The following MYO1D variants were observed in gnomAD, a reference collection of about 807,000 sequenced individuals.
The protein encoded by MYO1D is myosin ID.
Under a neutral mutation model 122.0 loss-of-function variants are expected in MYO1D, and 83 were observed. The observed-to-expected ratio is 0.68, with a 90% CI of 0.57 to 0.82. MYO1D has a LOEUF of 0.82. Among genes scored for constraint, MYO1D ranks in the 40% least tolerant of loss-of-function variants. The pLI, the probability that MYO1D is intolerant of heterozygous loss-of-function variation, is 0.00. For missense variants in MYO1D, 1,157 were observed against 1,269.5 expected (o/e 0.91, Z 1.35); for synonymous variants, 464 against 446.9 (o/e 1.04, Z -0.48).
At chr17:32,704,598 T>G (rs2150982543) in intron 16 of MYO1D, among the ~76,000 whole-genome samples, 1 of 152,312 alleles carries the variant, frequency 6.6e-6, no homozygotes, top group East Asian at 1.9e-4. Context: ...TTAGAAATAG[T>G]CAATGGTAGT....
At chr17:32,801,521 T>C (rs1252360137) in intron 1 of MYO1D, among the ~76,000 whole-genome samples, 1 of 152,116 alleles carries the variant, frequency 6.6e-6, no homozygotes, top group Non-Finnish European at 1.5e-5. Context: ...ACAGGAAAAC[T>C]GAGAAAATAA....
At chr17:32,665,836 T>G (rs1439884519) in intron 16 of MYO1D, among the ~76,000 whole-genome samples, 1 of 152,188 alleles carries the variant, frequency 6.6e-6, no homozygotes, top group Admixed American at 6.5e-5. Context: ...GGAGTAGCCA[T>G]CTGTGGGGAA....
At chr17:32,715,656 A>G (rs1403660059) in intron 15 of MYO1D, among the ~76,000 whole-genome samples, 1 of 152,082 alleles carries the variant, frequency 6.6e-6, no homozygotes, top group Admixed American at 6.5e-5. Flanking sequence ...AAAAACAAAA[A>G]TATGTATATT....
intron 1 of MYO1D, among the ~76,000 whole-genome samples, chr17:32,838,549 A>C (rs2090849112): frequency 6.6e-6 from 1 of 152,154 alleles, no homozygotes; most frequent in Non-Finnish European, 1.5e-5. Flanking sequence ...ACAAGTAAAC[A>C]GACAGACGGG....
intron 12 of MYO1D, among the ~76,000 whole-genome samples, chr17:32,746,104 G>A (rs2089835325): frequency 6.6e-6 from 1 of 152,198 alleles, no homozygotes; most frequent in South Asian, 2.1e-4. Context: ...GCAATTCTCA[G>A]ATCTCTAACC....
At chr17:32,664,327 C>T (rs1203795221) in intron 16 of MYO1D, among the ~76,000 whole-genome samples, 4 of 152,170 alleles carry the variant, frequency 2.6e-5, no homozygotes, top group African/African-American at 9.7e-5. Context: ...CCTGTTTTCT[C>T]TCTTTGTTTA....
chr17:32,750,792 T>C (rs1397582993), intron 11 of MYO1D, among the ~76,000 whole-genome samples: 1 of 152,184 alleles, frequency 6.6e-6, no homozygotes, highest in Non-Finnish European at 1.5e-5. Context: ...GCCTCTACCA[T>C]CTACTCACTC....
rs1489399134 is a variant in MYO1D, at chr17:32,653,868, A to T, written c.2570T>A (p.Val857Asp). 3 of 1,613,902 alleles carry T rather than the reference A, an allele frequency of 1.9e-6. No homozygotes were observed. The highest frequency in any genetic ancestry group is 2.5e-6 in the Non-Finnish European group (3 of 1,179,868). Residue 857 changes from valine (V) to aspartate (D), a missense_variant, in exon 19 of 22, where the codon GTC becomes GAC. Transcript: ENST00000318217. Reference sequence around the variant, plus strand: ...CTTACGGACGTGACAGGAAAAGAGGACATTCATGTATTTGTCCTTCCGTTT... The same window carrying T: ...CTTACGGACGTGACAGGAAAAGAGGTCATTCATGTATTTGTCCTTCCGTTT... ...ELKRKDKYMN[V>D]LFSCHVRKVN... is the part of the protein sequence containing the mutation.
At chr17:32,830,515 C>G (rs556327297) in intron 1 of MYO1D, among the ~76,000 whole-genome samples, 39 of 152,138 alleles carry the variant, frequency 2.6e-4, no homozygotes, top group African/African-American at 9.4e-4. Context: ...ATGAATGTGG[C>G]AGAGACATTA....
intron 21 of MYO1D, among the ~76,000 whole-genome samples, chr17:32,551,873 A>C (rs2087018472): frequency 6.6e-6 from 1 of 152,192 alleles, no homozygotes; most frequent in South Asian, 2.1e-4. Flanking sequence ...AAATATTTTC[A>C]GTCTCTCCTC....
chr17:32,851,022 A>C (rs1015809791), intron 1 of MYO1D, among the ~76,000 whole-genome samples: 14 of 152,118 alleles, frequency 9.2e-5, no homozygotes, highest in Non-Finnish European at 2.1e-4. Flanking sequence ...ACAACAACAA[A>C]AACTCAGGTT....
chr17:32,810,350 G>C (rs577744017), intron 1 of MYO1D, among the ~76,000 whole-genome samples: 1 of 152,320 alleles, frequency 6.6e-6, no homozygotes, highest in Admixed American at 6.5e-5. Flanking sequence ...AGATGGTTGG[G>C]TGTCCTGTGT....
intron 16 of MYO1D, among the ~76,000 whole-genome samples, chr17:32,709,464 G>C (rs1305550475): frequency 6.6e-6 from 1 of 152,114 alleles, no homozygotes; most frequent in East Asian, 1.9e-4. Flanking sequence ...AGGACTTGAA[G>C]ACAGAGAAGA....
intron 14 of MYO1D, among the ~76,000 whole-genome samples, chr17:32,726,941 A>C (rs2089583540): frequency 2.6e-5 from 4 of 152,332 alleles, no homozygotes; most frequent in Non-Finnish European, 5.9e-5. Context: ...CCTAGGAAGG[A>C]GGCAAAAGTA....
At chr17:32,630,223 T>C (rs879871301) in intron 20 of MYO1D, among the ~76,000 whole-genome samples, 7 of 152,178 alleles carry the variant, frequency 4.6e-5, no homozygotes, top group Admixed American at 4.6e-4. Flanking sequence ...ACATCTAGTA[T>C]TCAGATCTGT....
At chr17:32,501,067 T>C (rs1302018588) in intron 21 of MYO1D, among the ~76,000 whole-genome samples, 2 of 150,964 alleles carry the variant, frequency 1.3e-5, no homozygotes, top group Non-Finnish European at 2.9e-5. Context: ...AAGTTAAACA[T>C]TGAACTGCCA....
chr17:32,833,165 T>C (rs182532843), intron 1 of MYO1D, among the ~76,000 whole-genome samples: 6 of 152,280 alleles, frequency 3.9e-5, no homozygotes, highest in African/African-American at 1.4e-4. Context: ...GAGCCCCTGA[T>C]AGTGTCCCAC....
intron 20 of MYO1D, among the ~76,000 whole-genome samples, chr17:32,616,098 G>A (rs891773684): frequency 1.2e-4 from 19 of 152,164 alleles, no homozygotes; most frequent in Non-Finnish European, 2.4e-4. Flanking sequence ...AGAAATGTCT[G>A]TGGTAGGTAT....
At chr17:32,792,546 T>C (rs541873106) in intron 1 of MYO1D, 1 of 152,352 alleles carries the variant, frequency 6.6e-6, no homozygotes, top group African/African-American at 2.4e-5. Flanking sequence ...ATGGTTTCCA[T>C]GTGATGGAGT....
Sources: gnomAD v4.1 joint callset for allele counts (sites outside exome capture counted in the v4.1 genomes callset) on GRCh38, gnomAD v4.1.1 for gene constraint, MANE v1.5 for transcripts, NCBI Gene and HGNC (gene_info 2026-07-23, HGNC 2026-07-21) for gene names.